Variants in ZNF503 observed in about 807,000 individuals in gnomAD.
The protein encoded by ZNF503 is NocA-like zinc finger 2.
Under a neutral mutation model 34.4 loss-of-function variants are expected in ZNF503, and 15 were observed. The ratio of observed to expected loss-of-function variants is 0.44; its 90% CI spans 0.29 to 0.67. The LOEUF (loss-of-function observed/expected upper bound fraction) is 0.67. Ranked by LOEUF, ZNF503 falls within the 30% of genes least tolerant of loss-of-function variation. The probability of loss-of-function intolerance (pLI) is 0.13; values close to 1 mark genes in which losing one functional copy is unlikely to be tolerated. For missense variants in ZNF503, 1,007 were observed against 926.8 expected (o/e 1.09, Z -1.12); for synonymous variants, 580 against 456.8 (o/e 1.27, Z -3.44).
At chr10:75,336,366 T>C in the ZNF503 span, among the ~76,000 whole-genome samples, 1 of 117,418 alleles carries the variant, frequency 8.5e-6, no homozygotes, top group African/African-American at 3.5e-5. Flanking sequence ...GTTAGACCTA[T>C]ACAGAATTGT....
the ZNF503 span, among the ~76,000 whole-genome samples, chr10:75,337,568 A>G: frequency 6.6e-6 from 1 of 152,026 alleles, no homozygotes; most frequent in Middle Eastern, 3.2e-3. Context: ...CAGTGAGCCA[A>G]GATCGTGCCA....
the ZNF503 span, among the ~76,000 whole-genome samples, chr10:75,342,176 T>TGGGTG: frequency 1.5e-5 from 2 of 136,756 alleles, no homozygotes; most frequent in Admixed American, 7.3e-5. Flanking sequence ...CCTTCCAGGC[T>TGGGTG]GGGTGGGGTG....
In ZNF503 at chr10:75,400,120, G is replaced by A; in HGVS notation, c.570C>T (p.Gly190=). ...CGCCACCGCCACCGCCTCCACCGCC[G>A]CCTCCCGGCTCCTTCTTATCCGAGC... The part of the protein sequence containing the change: ...KPGSDKKEPG[G]GGGGGGGGGG... The change falls in exon 2 of 2, where the codon GGC becomes GGT. Residue 190 remains glycine (G), a synonymous_variant. Transcript: ENST00000372524. The A allele has an allele frequency of 7.9e-7, 1 of 1,273,200 alleles. No individual in the cohort carries two copies. The highest frequency in any genetic ancestry group is 1.0e-6 in the Non-Finnish European group (1 of 977,548). 78.9% of individuals were successfully genotyped at this position (1,273,200 alleles called of 1,614,324 possible). A position where few individuals can be genotyped will look rare whatever the true frequency, so the allele number is the denominator to read the frequency against.
chr10:75,381,745 G>A, the ZNF503 span, among the ~76,000 whole-genome samples: 4 of 147,594 alleles, frequency 2.7e-5, no homozygotes, highest in African/African-American at 4.9e-5. Flanking sequence ...TGTGTGCAGT[G>A]GGGGGACAAA....
chr10:75,284,821 T>C, the ZNF503 span, among the ~76,000 whole-genome samples: 1 of 152,224 alleles, frequency 6.6e-6, no homozygotes, highest in Non-Finnish European at 1.5e-5. Context: ...TAGCTGGGGT[T>C]ACTGATGGTT....
the ZNF503 span, among the ~76,000 whole-genome samples, chr10:75,307,540 A>C: frequency 6.6e-6 from 1 of 152,398 alleles, no homozygotes; most frequent in Non-Finnish European, 1.5e-5. Flanking sequence ...CAAGTTATTC[A>C]GAAGATCAAG....
At chr10:75,315,416 T>C in the ZNF503 span, among the ~76,000 whole-genome samples, 13 of 152,264 alleles carry the variant, frequency 8.5e-5, no homozygotes, top group African/African-American at 2.6e-4. Context: ...ATACAGAATA[T>C]AAAAAGATGT....
chr10:75,280,555 C>CGCGTGT, the ZNF503 span, among the ~76,000 whole-genome samples: 1 of 146,516 alleles, frequency 6.8e-6, no homozygotes, highest in African/African-American at 2.5e-5. Context: ...GGTGTGTATG[C>CGCGTGT]GTGTGTGTGT....
In ZNF503 at chr10:75,398,913, G is replaced by A; in HGVS notation, c.1777C>T (p.His593Tyr). 1 of 1,568,750 alleles carries A rather than the reference G, an allele frequency of 6.4e-7. No homozygotes were observed. The highest frequency in any genetic ancestry group is 8.6e-7 in the Non-Finnish European group (1 of 1,160,240). ...CGGCTGCTGAGTCCCAGCGCGTGGT[G>A]GGGGCTGCGCAGCGCCAGCGTCCCA... ...SPGTLALRSP[H>Y]HALGLSSRYH... The change falls in exon 2 of 2, where the codon CAC becomes TAC. Residue 593 changes from histidine (H) to tyrosine (Y), a missense_variant. By Grantham distance (83) the His-to-Tyr change is moderately conservative. Transcript: ENST00000372524.
chr10:75,359,829 G>A, the ZNF503 span, among the ~76,000 whole-genome samples: 1 of 152,190 alleles, frequency 6.6e-6, no homozygotes, highest in Non-Finnish European at 1.5e-5. Flanking sequence ...TAAGCCTGGA[G>A]CTGCTAGTAA....
downstream of ZNF503, among the ~76,000 whole-genome samples, chr10:75,395,325 C>T (rs1843684202): frequency 6.6e-6 from 1 of 152,198 alleles, no homozygotes; most frequent in Non-Finnish European, 1.5e-5. This position sits in a 1 kb window ranked among gnomAD's most constrained non-coding sequence, Gnocchi z 4.4. Flanking sequence ...CGGTTCGCAG[C>T]AGGAGAAAAG....
chr10:75,372,811 G>A, the ZNF503 span, among the ~76,000 whole-genome samples: 2 of 152,128 alleles, frequency 1.3e-5, no homozygotes, highest in African/African-American at 2.4e-5. Context: ...GCCCTCTTTG[G>A]GTCCCCATGG....
At chr10:75,343,577 C>G in the ZNF503 span, among the ~76,000 whole-genome samples, 1,796 of 152,306 alleles carry the variant, frequency 0.012, 19 homozygotes, top group African/African-American at 0.025. Context: ...CATTTCTCTT[C>G]CACACCTGTT....
chr10:75,333,100 G>T, the ZNF503 span, among the ~76,000 whole-genome samples: 1 of 145,302 alleles, frequency 6.9e-6, no homozygotes, highest in Non-Finnish European at 1.5e-5. Flanking sequence ...TGGCCGGGCG[G>T]GGGGCTGACC....
rs1843743748 is a variant in ZNF503 at position 75,399,099 on chromosome 10, T to C, written c.1591A>G (p.Thr531Ala). 1 of 1,613,706 alleles carries C rather than the reference T, an allele frequency of 6.2e-7. No individual in the cohort carries two copies. The highest frequency in any genetic ancestry group is 8.5e-7 in the Non-Finnish European group (1 of 1,179,832). The change falls in exon 2 of 2, where the codon ACG becomes GCG. Residue 531 changes from threonine to alanine, a missense_variant. Thr to Ala is a moderately conservative substitution (Grantham distance 58). Transcript: ENST00000372524. ...AAGTGGCTCAGCAGCTCTTCGGACG[T>C]GGCGAAGCGCTTGTCGCACGGCCCG... ...ANGPCDKRFATSEELLSHLRT... is the reference protein window; with the variant it reads ...ANGPCDKRFAASEELLSHLRT...
chr10:75,362,474 G>T, the ZNF503 span, among the ~76,000 whole-genome samples: 1 of 151,882 alleles, frequency 6.6e-6, no homozygotes, highest in Non-Finnish European at 1.5e-5. Flanking sequence ...CCAGAGCAGG[G>T]CCACCCACTC....
the ZNF503 span, among the ~76,000 whole-genome samples, chr10:75,333,956 C>T: frequency 1.2e-5 from 1 of 83,296 alleles, no homozygotes; most frequent in Non-Finnish European, 2.4e-5. Context: ...CCGGCAGAGA[C>T]GCTCCTCACT....
chr10:75,378,488 A>G, the ZNF503 span, among the ~76,000 whole-genome samples: 1 of 150,586 alleles, frequency 6.6e-6, no homozygotes. Flanking sequence ...GTACCCACCC[A>G]CTCCGCACTT....
At chr10:75,356,583 G>C in the ZNF503 span, among the ~76,000 whole-genome samples, 1 of 152,250 alleles carries the variant, frequency 6.6e-6, no homozygotes, top group Non-Finnish European at 1.5e-5. Flanking sequence ...CTCCACGTGA[G>C]AGGGTCTGGG....
Sources: gnomAD v4.1 joint callset for allele counts (sites outside exome capture counted in the v4.1 genomes callset) on GRCh38, gnomAD v4.1.1 for gene constraint, Gnocchi (gnomAD v3.1) non-coding constraint, MANE v1.5 for transcripts, NCBI Gene and HGNC (gene_info 2026-07-23, HGNC 2026-07-21) for gene names.